HNRNPF: variants seen among roughly 807,000 people sequenced by gnomAD.
The protein encoded by HNRNPF is heterogeneous nuclear ribonucleoprotein F, also known as HnRNP F protein.
In HNRNPF, 2 loss-of-function variants were observed where a neutral mutation model predicts 26.0. The observed-to-expected ratio is 0.08, with a 90% confidence interval of 0.03 to 0.24. The LOEUF is 0.24. Ranked by LOEUF, HNRNPF falls within the 10% of genes least tolerant of loss-of-function variation. HNRNPF has a pLI of 1.00. For synonymous variants in HNRNPF, 234 were observed against 211.5 expected (o/e 1.11, Z -0.92); for missense variants, 299 against 539.2 (o/e 0.55, Z 4.41).
intron 1 of HNRNPF, among the ~76,000 whole-genome samples, chr10:43,398,173 C>T (rs747486384): frequency 1.3e-5 from 2 of 151,196 alleles, no homozygotes; most frequent in Non-Finnish European, 1.5e-5. Flanking sequence ...GACTATAGGC[C>T]CATGCCACTA....
intron 3 of HNRNPF, among the ~76,000 whole-genome samples, chr10:43,390,678 C>G (rs980700537): frequency 1.3e-5 from 2 of 152,166 alleles, no homozygotes; most frequent in African/African-American, 2.4e-5. Flanking sequence ...CTTAACTGTA[C>G]GCGCCCAGTA....
intron 3 of HNRNPF, among the ~76,000 whole-genome samples, chr10:43,391,922 C>T (rs888827987): frequency 1.1e-4 from 16 of 152,168 alleles, no homozygotes; most frequent in East Asian, 9.6e-4. Flanking sequence ...AAGGCCTCTA[C>T]TGTCACTTCC....
At chr10:43,389,332 T>C (rs1379612024) in intron 3 of HNRNPF, among the ~76,000 whole-genome samples, 1 of 152,094 alleles carries the variant, frequency 6.6e-6, no homozygotes, top group East Asian at 1.9e-4. Flanking sequence ...GCTGGTGGCC[T>C]TTTCAAGAAA....
intron 1 of HNRNPF, among the ~76,000 whole-genome samples, chr10:43,397,643 A>C (rs564734085): frequency 2.0e-5 from 3 of 152,246 alleles, no homozygotes; most frequent in Non-Finnish European, 4.4e-5. Context: ...TTTTGAAAAA[A>C]AATCTTTGAA....
chr10:43,386,383 A>C lies in HNRNPF; in HGVS notation c.*254T>G, dbSNP rs1158351347. 5.0e-6 allele frequency: 2 copies of C among 401,438 alleles called. No individual in the cohort carries two copies. Among genetic ancestry groups the C allele is most frequent in the East Asian group, 8.2e-5 (2 of 24,402 alleles). 24.9% of individuals were successfully genotyped at this position (401,438 alleles called of 1,614,324 possible). A position where few individuals can be genotyped will look rare whatever the true frequency, so the allele number is the denominator to read the frequency against. On this transcript the variant is annotated 3_prime_UTR_variant, in exon 4 of 4. Transcript: ENST00000682386. ...TAACATACTTAAACTACTTAAACTT[A>C]GATAACATCACTCTGAAGTATACTA...
intron 2 of HNRNPF, among the ~76,000 whole-genome samples, chr10:43,395,318 C>G (rs1838440072): frequency 6.6e-6 from 1 of 152,136 alleles, no homozygotes; most frequent in Admixed American, 6.6e-5. Context: ...AAGACACTTT[C>G]AGTTTTATTG....
intron 1 of HNRNPF, among the ~76,000 whole-genome samples, chr10:43,400,684 A>G (rs1838725412): frequency 6.6e-6 from 1 of 152,228 alleles, no homozygotes; most frequent in Non-Finnish European, 1.5e-5. Context: ...AAAAAAATGC[A>G]CCAACGCACA....
At chr10:43,406,062 C>T (rs1462955334) in intron 1 of HNRNPF, among the ~76,000 whole-genome samples, 1 of 152,156 alleles carries the variant, frequency 6.6e-6, no homozygotes, top group Non-Finnish European at 1.5e-5. Flanking sequence ...ATAGCAAGCC[C>T]TTCTGGAGTA....
intron 3 of HNRNPF, among the ~76,000 whole-genome samples, chr10:43,393,510 C>T (rs766490040): frequency 5.3e-5 from 8 of 151,964 alleles, no homozygotes; most frequent in African/African-American, 1.7e-4. Flanking sequence ...GCAGGAGAAT[C>T]GCTTGAACCT....
intron 1 of HNRNPF, among the ~76,000 whole-genome samples, chr10:43,407,339 A>G (rs1311479663): frequency 6.6e-6 from 1 of 152,040 alleles, no homozygotes. Flanking sequence ...TTCGAGAACT[A>G]AAGAGGCGCG....
At chr10:43,398,551 C>T (rs1838646593) in intron 1 of HNRNPF, among the ~76,000 whole-genome samples, 1 of 151,672 alleles carries the variant, frequency 6.6e-6, no homozygotes, top group Non-Finnish European at 1.5e-5. Flanking sequence ...CCATGTTGGT[C>T]AGGCTGGTCT....
chr10:43,408,951 G>A (rs957337956), intron 1 of HNRNPF, 180 bp downstream of exon 1: 3 of 152,374 alleles, frequency 2.0e-5, no homozygotes, highest in African/African-American at 7.2e-5. Flanking sequence ...CCTGCCCGTC[G>A]AGCGCACGCG....
chr10:43,392,549 C>CA (rs1213723467), intron 3 of HNRNPF, among the ~76,000 whole-genome samples: 9 of 152,040 alleles, frequency 5.9e-5, no homozygotes, highest in Non-Finnish European at 1.5e-5. Context: ...CAAAAACAAA[C>CA]AAAAAAACTG....
chr10:43,387,965 TA>T lies in HNRNPF; in HGVS notation c.-52-30del. 8.1e-7 allele frequency: 1 copy of T among 1,228,254 alleles called. No individual in the cohort carries two copies. Among genetic ancestry groups the T allele is most frequent in the Non-Finnish European group, 1.1e-6 (1 of 882,664 alleles). 76.1% of individuals were successfully genotyped at this position (1,228,254 alleles called of 1,614,324 possible). A position where few individuals can be genotyped will look rare whatever the true frequency, so the allele number is the denominator to read the frequency against. ...GAAAAAAAAAAAAGAAAAATTTATT[TA>T]GTATGCAACAGAAATTTTCCCCATT... is the stretch of plus-strand genomic sequence containing the variant. On this transcript the variant is annotated intron_variant, in intron 3 of 3. Coordinates refer to ENST00000682386, the MANE Select transcript of HNRNPF (RefSeq NM_001098204.2). The surrounding 1 kb of genome is among the most constrained non-coding windows in gnomAD (Gnocchi z 6.0).
chr10:43,398,971 C>T (rs1838662740), intron 1 of HNRNPF, among the ~76,000 whole-genome samples: 1 of 152,170 alleles, frequency 6.6e-6, no homozygotes, highest in Non-Finnish European at 1.5e-5. Context: ...AGAATAGTTC[C>T]AGCCAGATAA....
intron 1 of HNRNPF, among the ~76,000 whole-genome samples, chr10:43,405,909 T>G (rs1229820441): frequency 6.6e-6 from 1 of 152,002 alleles, no homozygotes; most frequent in Non-Finnish European, 1.5e-5. Flanking sequence ...TCAGGGCAAC[T>G]AAGACAGGGC....
At position 43,387,546 on chromosome 10, in the gene HNRNPF, C is replaced by T; in HGVS notation, c.339G>A (p.Val113=). ...ATCCAAATGGGAGTCCTCGAAGCCGCACGAAGCCATCGTTGGCGCTGTCGG... is the reference window on the plus strand; with the variant it reads ...ATCCAAATGGGAGTCCTCGAAGCCGTACGAAGCCATCGTTGGCGCTGTCGG... ...NSADSANDGF[V]RLRGLPFGCT... is the part of the protein sequence containing the mutation. The change falls in exon 4 of 4, where the codon GTG becomes GTA. Residue 113 remains valine, a synonymous_variant. Coordinates refer to ENST00000682386, the MANE Select transcript of HNRNPF (RefSeq NM_001098204.2). This position sits in a 1 kb window ranked among gnomAD's most constrained non-coding sequence, Gnocchi z 6.0. 1 of 1,614,190 alleles carries T rather than the reference C, an allele frequency of 6.2e-7. No homozygotes were observed. Among genetic ancestry groups the T allele is most frequent in the Non-Finnish European group, 8.5e-7 (1 of 1,180,036 alleles).
At chr10:43,408,244 G>A (rs1252370566) in intron 1 of HNRNPF, among the ~76,000 whole-genome samples, 11 of 152,140 alleles carry the variant, frequency 7.2e-5, no homozygotes, top group Non-Finnish European at 1.5e-4. Context: ...CCCGCCAGGG[G>A]GCCGGACTAA....
intron 1 of HNRNPF, among the ~76,000 whole-genome samples, chr10:43,402,135 A>T (rs1838771543): frequency 6.6e-6 from 1 of 152,216 alleles, no homozygotes; most frequent in African/African-American, 2.4e-5. Flanking sequence ...TAAAAAAAAA[A>T]ACTTTCTGGA....
Sources: gnomAD v4.1 joint callset for allele counts (sites outside exome capture counted in the v4.1 genomes callset) on GRCh38, gnomAD v4.1.1 for gene constraint, Gnocchi (gnomAD v3.1) non-coding constraint, MANE v1.5 for transcripts, NCBI Gene and HGNC (gene_info 2026-07-23, HGNC 2026-07-21) for gene names.